Variants in NXPH2 observed in about 807,000 individuals in gnomAD.
The protein encoded by NXPH2 is neurexophilin 2.
In NXPH2, 5 loss-of-function variants were observed where a neutral mutation model predicts 19.8. That is an observed-to-expected ratio of 0.25 (90% CI 0.13 to 0.53). NXPH2 has a LOEUF of 0.53. NXPH2 is among the 20% of genes least tolerant of loss of function. The pLI is 0.96. For synonymous variants in NXPH2, 154 were observed against 127.4 expected (o/e 1.21, Z -1.41); for missense variants, 289 against 322.8 (o/e 0.90, Z 0.80).
intron 1 of NXPH2, among the ~76,000 whole-genome samples, chr2:138,765,300 G>C (rs1031011043): frequency 3.9e-5 from 6 of 152,216 alleles, no homozygotes; most frequent in Non-Finnish European, 1.5e-5. Context: ...CAGCAGCCCA[G>C]CTGTGTTCCA....
At chr2:138,745,686 AT>A (rs1374542897) in intron 1 of NXPH2, among the ~76,000 whole-genome samples, 1 of 152,210 alleles carries the variant, frequency 6.6e-6, no homozygotes, top group Non-Finnish European at 1.5e-5. Context: ...GAAAGACATT[AT>A]GTTTTAAAAT....
rs77998089 is a variant in NXPH2 at position 138,738,840 on chromosome 2, G to A, written c.51+41351C>T. On this transcript the variant is annotated intron_variant, in intron 1 of 1. Transcript: ENST00000272641. ...CCGCAGCATCAAAGGGCACAAAATC[G>A]GATGATTGGGAACTTTGTCTCTCAT... 8.3e-3 allele frequency among the ~76,000 whole-genome samples: 1,262 copies of A among 152,270 alleles called. 54 individuals are homozygous for A. The East Asian group carries it at 0.13, about 15-fold the overall frequency.
chr2:138,737,491 G>A (rs1681569359), intron 1 of NXPH2, among the ~76,000 whole-genome samples: 2 of 152,186 alleles, frequency 1.3e-5, no homozygotes, highest in African/African-American at 4.8e-5. Context: ...CACAACAGAA[G>A]GGAATTATGG....
At chr2:138,703,415 A>G (rs1024129748) in intron 1 of NXPH2, among the ~76,000 whole-genome samples, 4 of 152,198 alleles carry the variant, frequency 2.6e-5, no homozygotes, top group African/African-American at 9.6e-5. Flanking sequence ...CAGGCTGTAC[A>G]AGGATTAAAA....
chr2:138,683,898 G>C (rs1362767991), intron 1 of NXPH2, among the ~76,000 whole-genome samples: 2 of 152,136 alleles, frequency 1.3e-5, no homozygotes, highest in Middle Eastern at 3.4e-3. Context: ...ACAGTGTATT[G>C]GGGATTTTTA....
intron 1 of NXPH2, among the ~76,000 whole-genome samples, chr2:138,699,658 C>T (rs1229790944): frequency 4.6e-5 from 7 of 152,070 alleles, no homozygotes; most frequent in African/African-American, 1.7e-4. Context: ...CTTGCTGGGC[C>T]AGGCTTCTGA....
intron 1 of NXPH2, among the ~76,000 whole-genome samples, chr2:138,689,704 T>A (rs566570859): frequency 6.6e-6 from 1 of 152,322 alleles, no homozygotes; most frequent in African/African-American, 2.4e-5. Flanking sequence ...GTCTATTAAA[T>A]AAGCTGGAAT....
chr2:138,767,217 AGTGGAACCCT>A (rs1682105416), intron 1 of NXPH2, among the ~76,000 whole-genome samples: 1 of 152,246 alleles, frequency 6.6e-6, no homozygotes, highest in Non-Finnish European at 1.5e-5. Flanking sequence ...ATATAACGTC[AGTGGAACCCT>A]TCAGTGGAAC....
At chr2:138,727,990 C>A (rs562922608) in intron 1 of NXPH2, among the ~76,000 whole-genome samples, 5 of 152,244 alleles carry the variant, frequency 3.3e-5, no homozygotes, top group African/African-American at 1.2e-4. Context: ...AGGTATGTGA[C>A]CTTGGGTAAG....
intron 1 of NXPH2, among the ~76,000 whole-genome samples, chr2:138,778,215 C>A (rs919534609): frequency 6.6e-6 from 1 of 152,184 alleles, no homozygotes; most frequent in African/African-American, 2.4e-5. Flanking sequence ...GGGATGGCAG[C>A]GTAAGGAATG....
chr2:138,716,806 G>A (rs1681202612), intron 1 of NXPH2, among the ~76,000 whole-genome samples: 1 of 152,042 alleles, frequency 6.6e-6, no homozygotes, highest in Non-Finnish European at 1.5e-5. Context: ...TTCCCACCCT[G>A]GAATAAACTT....
Position 138,669,970 on chromosome 2 carries a change from T to C in NXPH2, c.*952A>G, listed in dbSNP as rs2104961952. On this transcript the variant is annotated 3_prime_UTR_variant, in exon 2 of 2. Coordinates refer to ENST00000272641, the MANE Select transcript of NXPH2 (RefSeq NM_007226.3). ...TGGGAGGCTAGAAATAATGAATCCA[T>C]AATCCTGAAATTTCCTCCCTCTACT... is the stretch of plus-strand genomic sequence containing the variant. Among the ~76,000 whole-genome samples the C allele has an allele frequency of 6.6e-6, 1 of 152,326 alleles. No individual in the cohort carries two copies. Among genetic ancestry groups the C allele is most frequent in the Middle Eastern group, 3.4e-3 (1 of 294 alleles).
At chr2:138,755,897 A>G (rs1681900671) in intron 1 of NXPH2, among the ~76,000 whole-genome samples, 1 of 151,970 alleles carries the variant, frequency 6.6e-6, no homozygotes, top group South Asian at 2.1e-4. Context: ...ATATTTTATA[A>G]GATTTATACT....
At chr2:138,762,040 G>C (rs769116696) in intron 1 of NXPH2, among the ~76,000 whole-genome samples, 12 of 152,208 alleles carry the variant, frequency 7.9e-5, no homozygotes, top group Non-Finnish European at 1.3e-4. Context: ...AGGAATTTCT[G>C]TTGGAAAATA....
At chr2:138,678,529 A>G (rs1680521265) in intron 1 of NXPH2, among the ~76,000 whole-genome samples, 1 of 151,812 alleles carries the variant, frequency 6.6e-6, no homozygotes, top group Non-Finnish European at 1.5e-5. Context: ...TCAATTTATA[A>G]CTCTTTACAG....
At chr2:138,704,480 G>C (rs896913525) in intron 1 of NXPH2, among the ~76,000 whole-genome samples, 1 of 152,216 alleles carries the variant, frequency 6.6e-6, no homozygotes, top group Non-Finnish European at 1.5e-5. Context: ...AAAAGCATCA[G>C]ATTGGCACCT....
intron 1 of NXPH2, among the ~76,000 whole-genome samples, chr2:138,676,686 T>C (rs1248073665): frequency 6.6e-6 from 1 of 152,214 alleles, no homozygotes; most frequent in Non-Finnish European, 1.5e-5. Context: ...AGGCATTCGA[T>C]GACTGATGGC....
intron 1 of NXPH2, among the ~76,000 whole-genome samples, chr2:138,755,805 T>C (rs960931375): frequency 3.3e-5 from 5 of 152,110 alleles, no homozygotes; most frequent in Non-Finnish European, 4.4e-5. Context: ...TTCACAAACA[T>C]GCACTGGCTC....
intron 1 of NXPH2, among the ~76,000 whole-genome samples, chr2:138,776,407 T>A (rs1265416207): frequency 6.6e-6 from 1 of 152,058 alleles, no homozygotes; most frequent in Admixed American, 6.6e-5. Context: ...TTTTTCTGTA[T>A]GGAAGGCATT....
Sources: gnomAD v4.1 joint callset for allele counts (sites outside exome capture counted in the v4.1 genomes callset) on GRCh38, gnomAD v4.1.1 for gene constraint, MANE v1.5 for transcripts, NCBI Gene and HGNC (gene_info 2026-07-23, HGNC 2026-07-21) for gene names.